RABGAP1: variants seen among roughly 807,000 people sequenced by gnomAD.
RABGAP1 encodes the protein rab GTPase-activating protein 1.
Under a neutral mutation model 137.6 loss-of-function variants are expected in RABGAP1, and 23 were observed. That is an observed-to-expected ratio of 0.17 (90% CI 0.12 to 0.24). RABGAP1 has a LOEUF of 0.24. Ranked by LOEUF, RABGAP1 falls within the 10% of genes least tolerant of loss-of-function variation. The pLI, the probability that RABGAP1 is intolerant of heterozygous loss-of-function variation, is 1.00. For missense variants in RABGAP1, 906 were observed against 1,275.8 expected, an observed-to-expected ratio of 0.71 and a Z score of 4.42; for synonymous variants, 451 against 450.7, an observed-to-expected ratio of 1.00 and a Z score of -0.01.
intron 1 of RABGAP1, among the ~76,000 whole-genome samples, chr9:122,948,230 A>C (rs959489280): frequency 1.3e-5 from 2 of 152,126 alleles, no homozygotes; most frequent in African/African-American, 4.8e-5. Flanking sequence ...TTCTTTTTCT[A>C]AACAGAGAGT....
chr9:123,056,447 A>T (rs1311526969), intron 13 of RABGAP1, among the ~76,000 whole-genome samples: 2 of 152,100 alleles, frequency 1.3e-5, no homozygotes, highest in Non-Finnish European at 2.9e-5. Flanking sequence ...GGCCACTCAA[A>T]ATCCAAAAAC....
chr9:122,991,186 G>GT lies in RABGAP1; in HGVS notation c.923+976dup, dbSNP rs1355831212. ...CCAAGTTTCTTTACATCTGTCAGTA[G>GT]TTTCCTCATTTATTAAATGAGGTGG... On this transcript the variant is annotated intron_variant, in intron 6 of 25. Coordinates refer to ENST00000373647, the MANE Select transcript of RABGAP1 (RefSeq NM_012197.4). Among the ~76,000 whole-genome samples, 37 of 151,998 alleles carry GT rather than the reference G, an allele frequency of 2.4e-4. 1 individual carries two copies. The highest frequency in any genetic ancestry group is 2.6e-4 in the Non-Finnish European group (18 of 67,956).
At chr9:123,011,471 A>G (rs1007925691) in intron 11 of RABGAP1, among the ~76,000 whole-genome samples, 30 of 151,876 alleles carry the variant, frequency 2.0e-4, no homozygotes, top group African/African-American at 6.8e-4. Context: ...TAGAGTGAGC[A>G]CTGACTTTCT....
rs184618695 is a variant in RABGAP1, at chr9:122,985,940, G to C, written c.386-275G>C. Among the ~76,000 whole-genome samples the C allele has an allele frequency of 1.8e-4, 28 of 152,292 alleles. No individual in the cohort carries two copies. In the East Asian group the frequency reaches 5.2e-3, roughly 28 times the overall value. ...AAATAGTACTTCTTTTAAGTGTCAT[G>C]TAGGTACTCAAAAGGTTTTGAAATT... On this transcript the variant is annotated intron_variant, in intron 3 of 25. Transcript: ENST00000373647.
Position 123,010,457 on chromosome 9 carries a change from C to T in RABGAP1, c.1478C>T (p.Ser493Leu), listed in dbSNP as rs1181804481. ...AGGAGGAAAACTACAGCCAGTCCTTCAGTTCGCCTGCCACAGTCTGGATCG... is the reference window on the plus strand; with the variant it reads ...AGGAGGAAAACTACAGCCAGTCCTTTAGTTCGCCTGCCACAGTCTGGATCG... Reference protein sequence around the residue: ...RERRKTTASPSVRLPQSGSQS... With the variant: ...RERRKTTASPLVRLPQSGSQS... Residue 493 changes from serine to leucine, a missense_variant, in exon 11 of 26, where the codon TCA becomes TTA. Ser to Leu is a moderately radical substitution (Grantham distance 145). Around this residue, in one of 9 missense-constraint regions of RABGAP1, gnomAD observed 212 missense variants for 289.4 expected, o/e 0.73. Coordinates refer to ENST00000373647, the MANE Select transcript of RABGAP1 (RefSeq NM_012197.4). The T allele has an allele frequency of 6.8e-6, 11 of 1,613,864 alleles. No individual in the cohort carries two copies. Among genetic ancestry groups the T allele is most frequent in the Non-Finnish European group, 9.3e-6 (11 of 1,179,844 alleles).
At chr9:123,093,326 C>CCA (rs2035083856) in intron 21 of RABGAP1, among the ~76,000 whole-genome samples, 1 of 152,190 alleles carries the variant, frequency 6.6e-6, no homozygotes, top group East Asian at 1.9e-4. Flanking sequence ...CCCAATCAAG[C>CCA]TTTCTGTATG....
chr9:122,946,034 C>T (rs1252279921), intron 1 of RABGAP1: 2 of 151,990 alleles, frequency 1.3e-5, no homozygotes, highest in Admixed American at 1.3e-4. Context: ...AAGAGTAGAA[C>T]AAGGAGTTTG....
At chr9:122,961,121 C>T (rs1487957195) in intron 2 of RABGAP1, among the ~76,000 whole-genome samples, 1 of 151,936 alleles carries the variant, frequency 6.6e-6, no homozygotes, top group Non-Finnish European at 1.5e-5. Context: ...GTAATAATGT[C>T]CAAAAACATC....
At chr9:123,019,992 T>A (rs2031513603) in intron 12 of RABGAP1, among the ~76,000 whole-genome samples, 1 of 152,040 alleles carries the variant, frequency 6.6e-6, no homozygotes, top group South Asian at 2.1e-4. Flanking sequence ...CCATCTTTTT[T>A]ATATAAACCA....
At chr9:122,996,627 A>G in intron 8 of RABGAP1, 22 bp downstream of exon 8, 1 of 1,542,058 alleles carries the variant, frequency 6.5e-7, no homozygotes, top group East Asian at 2.3e-5. Flanking sequence ...TTTTTATTAG[A>G]AAGTTACATA....
rs747950154 is a variant in RABGAP1, at chr9:123,097,730, A to T, written c.2629-11A>T. On this transcript the variant is annotated splice_polypyrimidine_tract_variant and intron_variant, in intron 21 of 25. Transcript: ENST00000373647. ...TTCTTGTTTTGTGACAGCATATCTTAAATGTTTCAGGCTGAGGAAAAGGCA... is the reference window on the plus strand; with the variant it reads ...TTCTTGTTTTGTGACAGCATATCTTTAATGTTTCAGGCTGAGGAAAAGGCA... 1 of 1,597,926 alleles carries T rather than the reference A, an allele frequency of 6.3e-7. No homozygotes were observed. Among genetic ancestry groups the T allele is most frequent in the South Asian group, 1.1e-5 (1 of 87,948 alleles).
chr9:123,038,894 T>TA (rs2032809361), intron 13 of RABGAP1, among the ~76,000 whole-genome samples: 1 of 151,966 alleles, frequency 6.6e-6, no homozygotes, highest in Admixed American at 6.6e-5. Flanking sequence ...GAACTGAGAA[T>TA]AAAAAAATGT....
chr9:123,023,085 T>A (rs1048314591), intron 13 of RABGAP1, among the ~76,000 whole-genome samples: 1 of 152,158 alleles, frequency 6.6e-6, no homozygotes, highest in East Asian at 1.9e-4. Flanking sequence ...CCCCCAAAAG[T>A]TACTCATGTA....
chr9:122,941,862 C>G (rs893703990), intron 1 of RABGAP1, among the ~76,000 whole-genome samples: 6 of 152,386 alleles, frequency 3.9e-5, no homozygotes, highest in African/African-American at 1.4e-4. Context: ...CTGCGTTTCA[C>G]GCATCTGCAT....
chr9:122,945,147 C>CCTTTTTTTTTTTTTTTT (rs1833871783), intron 1 of RABGAP1, among the ~76,000 whole-genome samples: 16 of 75,774 alleles, frequency 2.1e-4, no homozygotes, highest in African/African-American at 6.5e-4. Flanking sequence ...ATAGCTGTTG[C>CCTTTTTTTTTTTTTTTT]TTTTTTTTTT....
intron 1 of RABGAP1, among the ~76,000 whole-genome samples, chr9:122,943,150 C>T (rs903262509): frequency 3.5e-5 from 5 of 143,518 alleles, no homozygotes; most frequent in African/African-American, 1.4e-4. Context: ...TCTTGGCTCA[C>T]TGCAACCTCC....
At chr9:122,938,736 G>A (rs1390074297), upstream of RABGAP1, 1 of 152,102 alleles carries the variant, frequency 6.6e-6, no homozygotes, top group East Asian at 1.9e-4. Flanking sequence ...GTAATATAAT[G>A]AAACATGAAG....
intron 10 of RABGAP1, among the ~76,000 whole-genome samples, chr9:123,005,037 CAA>C (rs1419891354): frequency 6.8e-5 from 4 of 58,950 alleles, no homozygotes; most frequent in African/African-American, 1.4e-4. Flanking sequence ...GCCTGGGCAA[CAA>C]GAGTGAAACT....
Position 122,957,225 on chromosome 9 carries a change from C to T in RABGAP1, c.150+16C>T. ...AGGACTCAAGGTAAAACTCCCTAAC[C>T]TAAGATTGTTTTGCTTAGCTTTTCT... On this transcript the variant is annotated intron_variant, in intron 2 of 25. Coordinates refer to ENST00000373647, the MANE Select transcript of RABGAP1 (RefSeq NM_012197.4). The T allele has an allele frequency of 6.7e-7, 1 of 1,493,474 alleles. No individual in the cohort carries two copies. The highest frequency in any genetic ancestry group is 9.1e-7 in the Non-Finnish European group (1 of 1,100,304). 92.5% of individuals were successfully genotyped at this position (1,493,474 alleles called of 1,614,324 possible).
Sources: gnomAD v4.1 joint callset for allele counts (sites outside exome capture counted in the v4.1 genomes callset) on GRCh38, gnomAD v4.1.1 for gene constraint, gnomAD v4.1.1 regional missense constraint, MANE v1.5 for transcripts, NCBI Gene and HGNC (gene_info 2026-07-23, HGNC 2026-07-21) for gene names.